The following GNG12 variants were observed in gnomAD, a reference collection of about 807,000 sequenced individuals.
GNG12 encodes the protein G protein subunit gamma 12.
For missense variants in GNG12, 69 were observed against 83.8 expected (o/e 0.82, Z 0.69); for synonymous variants, 28 against 29.7 (o/e 0.94, Z 0.19).
intron 2 of GNG12, among the ~76,000 whole-genome samples, chr1:67,711,341 TG>T (rs1286336500): frequency 2.0e-5 from 3 of 151,888 alleles, no homozygotes; most frequent in Non-Finnish European, 4.4e-5. Context: ...TATTTAATTA[TG>T]TATGTACACA....
chr1:67,804,289 G>A (rs1367140814), intron 1 of GNG12, among the ~76,000 whole-genome samples: 1 of 152,122 alleles, frequency 6.6e-6, no homozygotes, highest in Non-Finnish European at 1.5e-5. Flanking sequence ...CTTAGAAAAG[G>A]CAACCAAAGT....
intron 2 of GNG12, among the ~76,000 whole-genome samples, chr1:67,775,334 A>T (rs1273272860): frequency 6.6e-6 from 1 of 152,234 alleles, no homozygotes; most frequent in Non-Finnish European, 1.5e-5. Context: ...TTCTTCCCAT[A>T]ACAAGTGGTT....
chr1:67,766,246 C>T (rs1254380802), intron 2 of GNG12, among the ~76,000 whole-genome samples: 1 of 151,994 alleles, frequency 6.6e-6, no homozygotes, highest in African/African-American at 2.4e-5. Flanking sequence ...AATAAAAATG[C>T]CCTTGAGGGC....
At chr1:67,771,756 G>C (rs574575328) in intron 2 of GNG12, among the ~76,000 whole-genome samples, 2 of 152,308 alleles carry the variant, frequency 1.3e-5, no homozygotes, top group South Asian at 4.2e-4. Context: ...GGAAGGAGCT[G>C]GTTCCAGCAG....
intron 2 of GNG12, among the ~76,000 whole-genome samples, chr1:67,722,235 G>GCCATT (rs1557596200): frequency 6.6e-6 from 1 of 152,144 alleles, no homozygotes; most frequent in Non-Finnish European, 1.5e-5. Flanking sequence ...TTCCTAGGGA[G>GCCATT]CCATTCCTCT....
At chr1:67,744,037 GC>G (rs1646496030) in intron 2 of GNG12, among the ~76,000 whole-genome samples, 2 of 152,190 alleles carry the variant, frequency 1.3e-5, no homozygotes, top group South Asian at 4.1e-4. Context: ...AAAGGGCATT[GC>G]TTGAGTGATG....
chr1:67,765,608 C>T (rs1336163172), intron 2 of GNG12, among the ~76,000 whole-genome samples: 1 of 152,170 alleles, frequency 6.6e-6, no homozygotes, highest in Non-Finnish European at 1.5e-5. Context: ...TATATTTCAA[C>T]CCTTATTCTT....
intron 2 of GNG12, among the ~76,000 whole-genome samples, chr1:67,746,440 G>A (rs1370639927): frequency 3.3e-5 from 5 of 151,822 alleles, no homozygotes; most frequent in African/African-American, 1.2e-4. Flanking sequence ...TTTAAACTAA[G>A]CAAGCCTGTA....
intron 1 of GNG12, among the ~76,000 whole-genome samples, chr1:67,824,483 C>T (rs1647000516): frequency 2.5e-5 from 3 of 121,936 alleles, no homozygotes; most frequent in Admixed American, 1.2e-4. Flanking sequence ...GCACTCCAGC[C>T]AGGATGACAG....
chr1:67,763,090 G>GGAGAGA (rs71064962), intron 2 of GNG12, among the ~76,000 whole-genome samples: 1,241 of 116,776 alleles, frequency 0.011, 30 homozygotes, highest in Admixed American at 0.043. Flanking sequence ...TACCCTCCCA[G>GGAGAGA]GAGAGAGAGA....
At chr1:67,715,728 G>A (rs551588109) in intron 2 of GNG12, among the ~76,000 whole-genome samples, 1 of 152,312 alleles carries the variant, frequency 6.6e-6, no homozygotes, top group Non-Finnish European at 1.5e-5. Context: ...GATTGTACAA[G>A]CACCTAATTC....
chr1:67,734,320 G>A (rs1646439242), intron 2 of GNG12, among the ~76,000 whole-genome samples: 1 of 152,152 alleles, frequency 6.6e-6, no homozygotes, highest in Non-Finnish European at 1.5e-5. Flanking sequence ...TAGGTTTTCT[G>A]AAGACTGGGG....
intron 1 of GNG12, among the ~76,000 whole-genome samples, chr1:67,790,558 C>T (rs1646796020): frequency 6.6e-6 from 1 of 151,904 alleles, no homozygotes; most frequent in African/African-American, 2.4e-5. Flanking sequence ...TATGTATCTG[C>T]ATCGACAACT....
intron 1 of GNG12, among the ~76,000 whole-genome samples, chr1:67,827,398 A>G (rs1439545573): frequency 2.6e-5 from 4 of 152,112 alleles, no homozygotes; most frequent in Non-Finnish European, 2.9e-5. Context: ...TGAAAGTATT[A>G]ATTCTTAACA....
intron 1 of GNG12, among the ~76,000 whole-genome samples, chr1:67,798,479 A>G (rs968862389): frequency 6.6e-6 from 1 of 152,112 alleles, no homozygotes; most frequent in African/African-American, 2.4e-5. Context: ...AATGGAAGAG[A>G]AAAAGGTCAG....
At position 67,708,066 on chromosome 1, in the gene GNG12, C is replaced by T. The variant is rs983929879; in HGVS notation, c.-26-354G>A. On this transcript the variant is annotated intron_variant, in intron 2 of 3. Coordinates refer to ENST00000370982, the MANE Select transcript of GNG12 (RefSeq NM_018841.6). The stretch of plus-strand genomic sequence containing the variant: ...GACCTGTGGCAAAAGTGAGCATTTG[C>T]TATGGGAGGCATATTACATGTCAGT... Among the ~76,000 whole-genome samples the T allele has an allele frequency of 3.9e-5, 6 of 152,220 alleles. No individual in the cohort carries two copies. The South Asian group carries it at 8.3e-4, about 21-fold the overall frequency.
chr1:67,765,978 T>C (rs1031358946), intron 2 of GNG12, among the ~76,000 whole-genome samples: 2 of 152,176 alleles, frequency 1.3e-5, no homozygotes, highest in African/African-American at 4.8e-5. Context: ...CCACTATAAA[T>C]GTAACAGCTG....
At chr1:67,766,413 A>C (rs1336291276) in intron 2 of GNG12, among the ~76,000 whole-genome samples, 3 of 151,974 alleles carry the variant, frequency 2.0e-5, no homozygotes, top group Non-Finnish European at 4.4e-5. Context: ...TTCTCAATAC[A>C]TTTCACTTCG....
intron 2 of GNG12, among the ~76,000 whole-genome samples, chr1:67,734,048 G>C (rs1570497118): frequency 6.6e-6 from 1 of 152,162 alleles, no homozygotes; most frequent in East Asian, 1.9e-4. Context: ...GGAAACTTGA[G>C]TTCCTTTCTC....
Sources: allele counts gnomAD v4.1 joint callset (sites outside exome capture counted in the v4.1 genomes callset), GRCh38; gene constraint gnomAD v4.1.1; transcripts MANE v1.5; gene names NCBI Gene and HGNC (gene_info 2026-07-23, HGNC 2026-07-21).